The following PPARGC1B variants were observed in gnomAD, a reference collection of about 807,000 sequenced individuals.
The protein encoded by PPARGC1B is PPARG coactivator 1 beta.
A neutral mutation model predicts 101.6 loss-of-function variants in PPARGC1B; 34 were observed. The observed-to-expected ratio is 0.33, with a 90% CI of 0.25 to 0.45. PPARGC1B has a LOEUF of 0.45. PPARGC1B is among the 20% of genes least tolerant of loss of function. The probability of loss-of-function intolerance (pLI) is 1.00; values close to 1 mark genes in which losing one functional copy is unlikely to be tolerated. For synonymous variants in PPARGC1B, 548 were observed against 539.3 expected, an observed-to-expected ratio of 1.02 and a Z score of -0.22; for missense variants, 1,234 against 1,317.6, an observed-to-expected ratio of 0.94 and a Z score of 0.98.
rs998926141 is a variant in PPARGC1B at position 149,833,910 on chromosome 5, C to T, written c.1705+132C>T. On this transcript the variant is annotated intron_variant, in intron 5 of 11. Coordinates refer to ENST00000309241, the MANE Select transcript of PPARGC1B (RefSeq NM_133263.4). The surrounding 1 kb of genome is among the most constrained non-coding windows in gnomAD (Gnocchi z 4.1). ...AGTGTTATATGGGTTTGGACAAGTC[C>T]CTTCCCCTCCCTGGCTTTCAGCTTT... 5 of 1,293,924 alleles carry T rather than the reference C, an allele frequency of 3.9e-6. No homozygotes were observed. Among genetic ancestry groups the T allele is most frequent in the Non-Finnish European group, 5.0e-6 (5 of 1,008,170 alleles). 80.2% of individuals were successfully genotyped at this position (1,293,924 alleles called of 1,614,324 possible).
At chr5:149,788,386 A>G (rs921716825) in intron 1 of PPARGC1B, among the ~76,000 whole-genome samples, 7 of 152,240 alleles carry the variant, frequency 4.6e-5, no homozygotes, top group Non-Finnish European at 7.3e-5. Flanking sequence ...ATACTGTCTC[A>G]CACCAGTTAG....
Position 149,847,286 on chromosome 5 carries a change from C to T in PPARGC1B, c.2972-172C>T, listed in dbSNP as rs775887871. The T allele has an allele frequency of 3.0e-4, 221 of 743,982 alleles. 2 individuals carry two copies. The highest frequency in any genetic ancestry group is 4.9e-4 in the Non-Finnish European group (194 of 399,194). The allele number at this position is 743,982 out of a possible 1,614,324, so 46.1% of individuals were successfully genotyped here. A position where few individuals can be genotyped will look rare whatever the true frequency, so the allele number is the denominator to read the frequency against. Reference sequence around the variant, plus strand: ...CACTGATACCATGGCCAAGATGTCCCAGCAGGATGGCAGGCAGTGCCCACA... The same window carrying T: ...CACTGATACCATGGCCAAGATGTCCTAGCAGGATGGCAGGCAGTGCCCACA... On this transcript the variant is annotated intron_variant, in intron 11 of 11. Coordinates refer to ENST00000309241, the MANE Select transcript of PPARGC1B (RefSeq NM_133263.4).
intron 1 of PPARGC1B, among the ~76,000 whole-genome samples, chr5:149,789,142 C>G (rs1756917149): frequency 6.6e-6 from 1 of 152,126 alleles, no homozygotes; most frequent in Non-Finnish European, 1.5e-5. Context: ...GGAAAGAGGC[C>G]TGTGATCGCC....
At chr5:149,784,863 G>A (rs959725514) in intron 1 of PPARGC1B, among the ~76,000 whole-genome samples, 1 of 152,010 alleles carries the variant, frequency 6.6e-6, no homozygotes, top group Middle Eastern at 3.4e-3. Context: ...CACCGCGCCC[G>A]GTCCAGCCAA....
chr5:149,774,777 T>G (rs1350997472), intron 1 of PPARGC1B, among the ~76,000 whole-genome samples: 2 of 151,962 alleles, frequency 1.3e-5, no homozygotes, highest in Non-Finnish European at 2.9e-5. Context: ...AGAACTCCAT[T>G]TGTAGCTGGA....
intron 1 of PPARGC1B, among the ~76,000 whole-genome samples, chr5:149,791,630 G>A (rs1757024819): frequency 6.6e-6 from 1 of 152,030 alleles, no homozygotes; most frequent in South Asian, 2.1e-4. Context: ...GTCAATTTCT[G>A]CAGAATGGGT....
chr5:149,799,610 G>A (rs1483198451), intron 1 of PPARGC1B, among the ~76,000 whole-genome samples: 1 of 151,958 alleles, frequency 6.6e-6, no homozygotes, highest in East Asian at 1.9e-4. Flanking sequence ...CTGGAGGAAG[G>A]AGAAGCTGGG....
At chr5:149,823,251 C>A (rs755969969) in intron 2 of PPARGC1B, among the ~76,000 whole-genome samples, 2 of 152,108 alleles carry the variant, frequency 1.3e-5, no homozygotes, top group Non-Finnish European at 2.9e-5. Context: ...GAGGAAGGGG[C>A]GTGGACAAAT....
chr5:149,836,742 A>G lies in PPARGC1B; in HGVS notation c.2287A>G (p.Ser763Gly). Residue 763 changes from serine to glycine, a missense_variant, in exon 8 of 12, where the codon AGC becomes GGC. This residue lies in a region of PPARGC1B where 497 missense variants were observed against 529.5 expected (regional missense o/e 0.94). Coordinates refer to ENST00000309241, the MANE Select transcript of PPARGC1B (RefSeq NM_133263.4). ...TLLRDHEIRASLTKHFGLLET... is the reference protein window; with the variant it reads ...TLLRDHEIRAGLTKHFGLLET... Reference sequence around the variant, plus strand: ...GCTGAGAGACCATGAGATCCGTGCCAGCCTCACCAAACACTTTGGGCTGCT... The same window carrying G: ...GCTGAGAGACCATGAGATCCGTGCCGGCCTCACCAAACACTTTGGGCTGCT... The G allele has an allele frequency of 6.2e-7, 1 of 1,613,722 alleles. No individual in the cohort carries two copies. Among genetic ancestry groups the G allele is most frequent in the African/African-American group, 1.3e-5 (1 of 75,062 alleles).
chr5:149,764,459 G>A (rs1417032952), intron 1 of PPARGC1B, among the ~76,000 whole-genome samples: 2 of 152,222 alleles, frequency 1.3e-5, no homozygotes, highest in East Asian at 1.9e-4. Context: ...GTCTGGGATA[G>A]GGAGGACGTG....
chr5:149,830,663 TG>T, intron 3 of PPARGC1B, 103 bp from the exon 4 acceptor site: 1 of 780,380 alleles, frequency 1.3e-6, no homozygotes, highest in Non-Finnish European at 2.3e-6. Flanking sequence ...GTTCTCCCTG[TG>T]GTCCTGTGAT....
chr5:149,842,220 A>G (rs769758431), intron 9 of PPARGC1B, 36 bp from the exon 10 acceptor site: 2 of 1,603,504 alleles, frequency 1.2e-6, no homozygotes, highest in Non-Finnish European at 1.7e-6. Context: ...AAGCCAGGCA[A>G]TGACGGAGTC....
chr5:149,753,639 G>A (rs530640272), intron 1 of PPARGC1B, among the ~76,000 whole-genome samples: 1 of 152,292 alleles, frequency 6.6e-6, no homozygotes, highest in African/African-American at 2.4e-5. Flanking sequence ...CGTATGCATA[G>A]GATAAATGCC....
intron 1 of PPARGC1B, among the ~76,000 whole-genome samples, chr5:149,741,041 C>T (rs1047911743): frequency 2.0e-5 from 3 of 152,258 alleles, no homozygotes; most frequent in Non-Finnish European, 2.9e-5. Flanking sequence ...CTGCTGTCTG[C>T]TTGGCCGGGC....
At chr5:149,839,959 C>G (rs1053385773) in intron 8 of PPARGC1B, 82 bp from the exon 9 acceptor site, 2 of 1,381,218 alleles carry the variant, frequency 1.4e-6, no homozygotes, top group African/African-American at 1.4e-5. Context: ...GGAAGCATCC[C>G]TTGCGTCCTG....
chr5:149,805,894 G>A (rs1186249635), intron 1 of PPARGC1B, among the ~76,000 whole-genome samples: 1 of 152,256 alleles, frequency 6.6e-6, no homozygotes, highest in Admixed American at 6.5e-5. Flanking sequence ...TGGTGGAGCT[G>A]TGGGGGTTCC....
At chr5:149,796,278 A>G (rs991633275) in intron 1 of PPARGC1B, among the ~76,000 whole-genome samples, 1 of 152,214 alleles carries the variant, frequency 6.6e-6, no homozygotes, top group Non-Finnish European at 1.5e-5. Context: ...GTAACCAGCC[A>G]TGCAAAAATG....
intron 1 of PPARGC1B, among the ~76,000 whole-genome samples, chr5:149,801,492 G>A (rs984310844): frequency 2.6e-5 from 4 of 152,202 alleles, no homozygotes; most frequent in Admixed American, 2.6e-4. Context: ...TGCCAGGGGT[G>A]GAAAGAAGCC....
At chr5:149,838,446 C>T (rs1307893045) in intron 8 of PPARGC1B, among the ~76,000 whole-genome samples, 5 of 152,294 alleles carry the variant, frequency 3.3e-5, no homozygotes, top group South Asian at 2.1e-4. Context: ...CATTCTTTCC[C>T]GGGGGTAGCT....
Sources: allele counts gnomAD v4.1 joint callset (sites outside exome capture counted in the v4.1 genomes callset), GRCh38; gene constraint gnomAD v4.1.1; regional missense constraint gnomAD v4.1.1; non-coding constraint Gnocchi (gnomAD v3.1); transcripts MANE v1.5; gene names NCBI Gene and HGNC (gene_info 2026-07-23, HGNC 2026-07-21).